SMG7: variants seen among roughly 807,000 people sequenced by gnomAD.
SMG7 encodes the protein SMG7 nonsense mediated mRNA decay factor.
SMG7 carries 34 observed loss-of-function variants against 148.2 expected under a neutral mutation model. The observed-to-expected ratio is 0.23, with a 90% CI of 0.17 to 0.31. The LOEUF (loss-of-function observed/expected upper bound fraction) is 0.31. Ranked by LOEUF, SMG7 falls within the 10% of genes least tolerant of loss-of-function variation. The pLI is 1.00. For missense variants in SMG7, 1,114 were observed against 1,408.4 expected (o/e 0.79, Z 3.35); for synonymous variants, 492 against 515.1 (o/e 0.96, Z 0.61).
chr1:183,533,795 A>G lies in SMG7; in HGVS notation c.1126A>G (p.Arg376Gly). The G allele has an allele frequency of 6.2e-7, 1 of 1,613,258 alleles. No homozygotes were observed. Among genetic ancestry groups the G allele is most frequent in the Non-Finnish European group, 8.5e-7 (1 of 1,179,382 alleles). ...VSMDWLRLRP[R>G]VFQEAVVDER... is the part of the protein sequence containing the mutation. ...CATGGACTGGCTAAGACTCAGACCC[A>G]GGGTCTTTCAGGAGGCAGTGGTGGA... The change falls in exon 10 of 23, where the codon AGG becomes GGG. Residue 376 changes from arginine to glycine, a missense_variant. Coordinates refer to ENST00000688051, the MANE Select transcript of SMG7 (RefSeq NM_001375584.1).
intron 1 of SMG7, 140 bp from the exon 2 acceptor site, chr1:183,512,697 T>C (rs1449215516): frequency 5.3e-6 from 4 of 757,622 alleles, no homozygotes; most frequent in Non-Finnish European, 8.5e-6. Flanking sequence ...GGATGCTGTT[T>C]GCAGTGCCAC....
chr1:183,511,158 CTT>C (rs1054740275), intron 1 of SMG7, among the ~76,000 whole-genome samples: 7 of 151,816 alleles, frequency 4.6e-5, no homozygotes, highest in Admixed American at 6.6e-5. Flanking sequence ...AAAAATCTCT[CTT>C]AAGTTTATAT....
Position 183,546,030 on chromosome 1 carries a change from A to G in SMG7, c.2435A>G (p.Lys812Arg). 1 of 1,614,024 alleles carries G rather than the reference A, an allele frequency of 6.2e-7. No individual in the cohort carries two copies. The highest frequency in any genetic ancestry group is 8.5e-7 in the Non-Finnish European group (1 of 1,179,958). The part of the protein sequence containing the change: ...NPPQVQGPLG[K>R]IMPVKQPYYL... Reference sequence around the variant, plus strand: ...CCTCAGGTTCAAGGCCCATTAGGGAAAATTATGCCTGTGAAACAGCCCTAC... The same window carrying G: ...CCTCAGGTTCAAGGCCCATTAGGGAGAATTATGCCTGTGAAACAGCCCTAC... Residue 812 changes from lysine to arginine, a missense_variant, in exon 17 of 23, where the codon AAA (lysine) becomes AGA (arginine). Around this residue, in one of 4 missense-constraint regions of SMG7, gnomAD observed 788 missense variants for 894.5 expected, o/e 0.88. Transcript: ENST00000688051.
At chr1:183,520,266 G>A (rs1347301890) in intron 4 of SMG7, among the ~76,000 whole-genome samples, 1 of 151,534 alleles carries the variant, frequency 6.6e-6, no homozygotes. Context: ...AGATTGTTTT[G>A]TTGTTGTTAA....
At chr1:183,516,906 C>G (rs527953788) in intron 3 of SMG7, among the ~76,000 whole-genome samples, 1 of 152,300 alleles carries the variant, frequency 6.6e-6, no homozygotes, top group South Asian at 2.1e-4. Flanking sequence ...TTAGGTACTT[C>G]CATGCTTTCC....
intron 8 of SMG7, among the ~76,000 whole-genome samples, chr1:183,530,696 C>T (rs114287057): frequency 1.6e-3 from 250 of 152,120 alleles, no homozygotes; most frequent in Admixed American, 2.1e-3. Flanking sequence ...GGGGGCTGAC[C>T]GTGGGATGTT....
At chr1:183,489,862 A>G (rs1656492151) in intron 1 of SMG7, among the ~76,000 whole-genome samples, 1 of 152,236 alleles carries the variant, frequency 6.6e-6, no homozygotes, top group African/African-American at 2.4e-5. Context: ...GGACTAGGAA[A>G]GACTGAGCAG....
chr1:183,511,404 T>G (rs1185082924), intron 1 of SMG7, among the ~76,000 whole-genome samples: 1 of 152,188 alleles, frequency 6.6e-6, no homozygotes, highest in African/African-American at 2.4e-5. Context: ...AGTAATGTTC[T>G]GACTGAGATA....
chr1:183,476,270 G>A (rs1013147664), intron 1 of SMG7, among the ~76,000 whole-genome samples: 2 of 152,152 alleles, frequency 1.3e-5, no homozygotes, highest in African/African-American at 2.4e-5. Flanking sequence ...AATTGTTTTC[G>A]TGACCTTGAC....
chr1:183,489,324 G>C (rs10911345), intron 1 of SMG7, among the ~76,000 whole-genome samples: 65 of 152,164 alleles, frequency 4.3e-4, no homozygotes, highest in African/African-American at 1.5e-3. Flanking sequence ...CTTGGGCTGG[G>C]CAAGGGAGGA....
At chr1:183,535,319 G>C (rs541805007) in intron 10 of SMG7, among the ~76,000 whole-genome samples, 3 of 152,290 alleles carry the variant, frequency 2.0e-5, no homozygotes, top group Non-Finnish European at 4.4e-5. Context: ...TGTTGAACCA[G>C]AAGGAACAGC....
chr1:183,541,569 C>G (rs1038474255), intron 13 of SMG7, among the ~76,000 whole-genome samples: 3 of 151,948 alleles, frequency 2.0e-5, no homozygotes, highest in African/African-American at 7.3e-5. Flanking sequence ...GTTTGAGTTC[C>G]GTTTCGAGTT....
intron 1 of SMG7, among the ~76,000 whole-genome samples, chr1:183,501,568 T>A (rs1211917413): frequency 1.3e-5 from 2 of 152,226 alleles, no homozygotes; most frequent in East Asian, 3.8e-4. Flanking sequence ...CTGTTTTTCT[T>A]GTGACTTGAT....
rs533572275 is a variant in SMG7, at chr1:183,502,271, A to G, written c.30-10566A>G. 8 of 1,533,026 alleles carry G rather than the reference A, an allele frequency of 5.2e-6. No individual in the cohort carries two copies. In the South Asian group the frequency reaches 9.6e-5, roughly 18 times the overall value. 95.0% of individuals were successfully genotyped at this position (1,533,026 alleles called of 1,614,324 possible). On this transcript the variant is annotated intron_variant, in intron 1 of 22. Coordinates refer to ENST00000688051, the MANE Select transcript of SMG7 (RefSeq NM_001375584.1). ...TATCTAGAATGTCTTAAACCATTCT[A>G]CCTTATGAGAAATTGGATGTTCTTG... is the stretch of plus-strand genomic sequence containing the variant.
chr1:183,550,985 T>C (rs1210961666), intron 21 of SMG7, 60 bp from the exon 22 acceptor site: 22 of 1,613,268 alleles, frequency 1.4e-5, no homozygotes, highest in Non-Finnish European at 1.8e-5. Context: ...CCCTGGGGTC[T>C]GGCAATTGGC....
intron 4 of SMG7, chr1:183,518,468 A>G (rs944573548): frequency 3.3e-5 from 5 of 152,200 alleles, no homozygotes; most frequent in South Asian, 2.1e-4. Flanking sequence ...AATAATAGCT[A>G]TGTTGCGCCA....
chr1:183,507,597 A>T (rs1462651179), intron 1 of SMG7, among the ~76,000 whole-genome samples: 2 of 152,210 alleles, frequency 1.3e-5, no homozygotes, highest in Non-Finnish European at 2.9e-5. Flanking sequence ...TAAATAATTT[A>T]TGTAAAGCTC....
chr1:183,502,581 C>CTTTT (rs1037823860), intron 1 of SMG7, among the ~76,000 whole-genome samples: 2 of 152,092 alleles, frequency 1.3e-5, no homozygotes, highest in Admixed American at 6.6e-5. Flanking sequence ...TATGTTTATA[C>CTTTT]TTTGTCTTGA....
At chr1:183,477,755 T>A (rs1400217930) in intron 1 of SMG7, among the ~76,000 whole-genome samples, 1 of 150,430 alleles carries the variant, frequency 6.6e-6, no homozygotes, top group African/African-American at 2.5e-5. Context: ...TGTGTGCATA[T>A]GTGTGCATAT....
Sources: gnomAD v4.1 joint callset for allele counts (sites outside exome capture counted in the v4.1 genomes callset) on GRCh38, gnomAD v4.1.1 for gene constraint, gnomAD v4.1.1 regional missense constraint, MANE v1.5 for transcripts, NCBI Gene and HGNC (gene_info 2026-07-23, HGNC 2026-07-21) for gene names.